Variants in TSPEAR observed in about 807,000 individuals in gnomAD.
TSPEAR encodes the protein thrombospondin-type laminin G domain and EAR repeat-containing protein.
In TSPEAR, 69 loss-of-function variants were observed where a neutral mutation model predicts 71.6. That is an observed-to-expected ratio of 0.96 (90% confidence interval 0.79 to 1.18). TSPEAR has a LOEUF of 1.18. Ranked by LOEUF, TSPEAR falls within the 50% of genes most tolerant of loss-of-function variation. The pLI is 0.00. For missense variants in TSPEAR, 971 were observed against 894.9 expected (o/e 1.09, Z -1.09); for synonymous variants, 402 against 387.2 (o/e 1.04, Z -0.45).
intron 1 of TSPEAR, among the ~76,000 whole-genome samples, chr21:44,663,991 G>T (rs1985624892): frequency 6.6e-6 from 1 of 152,062 alleles, no homozygotes; most frequent in Non-Finnish European, 1.5e-5. Flanking sequence ...AAAACCTATA[G>T]CTAATATCAT....
In TSPEAR at chr21:44,587,972, T is replaced by A. The variant is rs961790493; in HGVS notation, c.83-19967A>T. ...TCTAGATATTGGCTTAGGCAAGGAT[T>A]TCATGACCAAGAATCCAAAAGCAAA... On this transcript the variant is annotated intron_variant, in intron 1 of 11. Transcript: ENST00000323084. Among the ~76,000 whole-genome samples the A allele has an allele frequency of 3.9e-5, 6 of 152,314 alleles. No individual in the cohort carries two copies. The South Asian group carries it at 1.2e-3, about 32-fold the overall frequency.
At chr21:44,659,299 ATGATACACCCTAAGCACAAGCAC>A (rs1481041056) in intron 1 of TSPEAR, among the ~76,000 whole-genome samples, 185 of 21,696 alleles carry the variant, frequency 8.5e-3, no homozygotes, top group East Asian at 0.024. Context: ...ACAAGCACTG[ATGATACACCCTAAGCACAAGCAC>A]TGATACACCC....
intron 1 of TSPEAR, among the ~76,000 whole-genome samples, chr21:44,671,010 T>A (rs994663940): frequency 3.3e-5 from 5 of 152,236 alleles, no homozygotes; most frequent in African/African-American, 9.6e-5. Context: ...CCTGTGTCCA[T>A]GCACACTGTG....
At chr21:44,608,081 G>A (rs950993475) in intron 1 of TSPEAR, among the ~76,000 whole-genome samples, 6 of 152,148 alleles carry the variant, frequency 3.9e-5, no homozygotes, top group African/African-American at 1.4e-4. Flanking sequence ...ATCATGAAAA[G>A]TACACCTGGG....
chr21:44,633,402 T>C (rs1983365738), intron 1 of TSPEAR, among the ~76,000 whole-genome samples: 1 of 152,210 alleles, frequency 6.6e-6, no homozygotes, highest in Non-Finnish European at 1.5e-5. Context: ...TTTTGCCGTA[T>C]CCCATAAGTT....
At chr21:44,600,222 C>T (rs1331346379) in intron 1 of TSPEAR, among the ~76,000 whole-genome samples, 8 of 152,110 alleles carry the variant, frequency 5.3e-5, no homozygotes, top group African/African-American at 7.2e-5. Flanking sequence ...AGTCCCCTGG[C>T]GATGGCCCAC....
chr21:44,687,714 G>A lies in TSPEAR; in HGVS notation c.82+23719C>T. ...CTGATGGGGGTCCTCTCCCAGCCAG[G>A]AGGGAAGCCAGGACCACCCTCTCCC... On this transcript the variant is annotated intron_variant, in intron 1 of 11. Transcript: ENST00000323084. The surrounding 1 kb of genome is among the most constrained non-coding windows in gnomAD (Gnocchi z 4.4). 6.6e-6 allele frequency among the ~76,000 whole-genome samples: 1 copy of A among 152,218 alleles called. No individual in the cohort carries two copies. Among genetic ancestry groups the A allele is most frequent in the East Asian group, 1.9e-4 (1 of 5,192 alleles).
intron 1 of TSPEAR, chr21:44,573,610 A>G: frequency 3.7e-6 from 5 of 1,356,424 alleles, no homozygotes; most frequent in Non-Finnish European, 5.0e-6. Context: ...ACACCCCAAC[A>G]AGGAAGGGAG....
chr21:44,503,681 C>G (rs2052107362), intron 11 of TSPEAR, among the ~76,000 whole-genome samples: 1 of 127,490 alleles, frequency 7.8e-6, no homozygotes, highest in Non-Finnish European at 1.6e-5. Flanking sequence ...AGCGGGGAAG[C>G]AAGGCTCTGG....
intron 1 of TSPEAR, among the ~76,000 whole-genome samples, chr21:44,629,792 CT>C (rs1983149632): frequency 6.6e-6 from 1 of 152,220 alleles, no homozygotes; most frequent in African/African-American, 2.4e-5. Flanking sequence ...CAAATGGTTC[CT>C]GTTTAGGCAT....
chr21:44,534,814 A>C (rs587628578), intron 2 of TSPEAR, among the ~76,000 whole-genome samples: 1 of 152,368 alleles, frequency 6.6e-6, no homozygotes, highest in Admixed American at 6.5e-5. Context: ...CGAAAGAGAT[A>C]CTTGTACACA....
At chr21:44,562,868 G>A (rs868927664) in intron 2 of TSPEAR, among the ~76,000 whole-genome samples, 20 of 152,242 alleles carry the variant, frequency 1.3e-4, no homozygotes, top group Admixed American at 3.3e-4. Flanking sequence ...TCATACTAGC[G>A]TTCCGCAGAC....
Position 44,499,710 on chromosome 21 carries a change from CAGGGTCAGTTGGGGG to C in TSPEAR, c.*58_*72del. 1.4e-6 allele frequency: 2 copies of C among 1,453,230 alleles called. No homozygotes were observed. The highest frequency in any genetic ancestry group is 1.8e-6 in the Non-Finnish European group (2 of 1,097,590). The allele number at this position is 1,453,230 out of a possible 1,614,324, so 90.0% of individuals were successfully genotyped here. ...CCTAGGCTGGGCCCACCTGGACGTC[CAGGGTCAGTTGGGGG>C]AGGTGCTGGGGTCCCGCCCCACCTG... On this transcript the variant is annotated 3_prime_UTR_variant, in exon 12 of 12. Transcript: ENST00000323084.
chr21:44,566,808 T>A (rs1476487613), intron 2 of TSPEAR, among the ~76,000 whole-genome samples: 59 of 152,126 alleles, frequency 3.9e-4, no homozygotes, highest in Admixed American at 3.7e-3. Context: ...ACTGAATATC[T>A]ATATACAAAA....
At chr21:44,601,226 G>T (rs1714831460) in intron 1 of TSPEAR, 1 of 1,606,850 alleles carries the variant, frequency 6.2e-7, no homozygotes, top group Non-Finnish European at 8.5e-7. Flanking sequence ...GGCTGCATCA[G>T]CTCCTGCACG....
intron 1 of TSPEAR, among the ~76,000 whole-genome samples, chr21:44,704,025 T>C (rs1555951913): frequency 1.3e-5 from 2 of 152,244 alleles, no homozygotes; most frequent in African/African-American, 4.8e-5. Flanking sequence ...TAAGATCACC[T>C]GGCCTCTGTC....
Position 44,699,267 on chromosome 21 carries a change from C to A in TSPEAR, c.82+12166G>T, listed in dbSNP as rs1245294363. 4.7e-5 allele frequency among the ~76,000 whole-genome samples: 7 copies of A among 149,908 alleles called. No individual in the cohort carries two copies. The East Asian group carries it at 1.4e-3, about 30-fold the overall frequency. Reference sequence around the variant, plus strand: ...TGGTGGCACGAACCTGTAGTCCCAGCTACTCAGGAGGCTGAGGTGGGAGGA... The same window carrying A: ...TGGTGGCACGAACCTGTAGTCCCAGATACTCAGGAGGCTGAGGTGGGAGGA... On this transcript the variant is annotated intron_variant, in intron 1 of 11. Coordinates refer to ENST00000323084, the MANE Select transcript of TSPEAR (RefSeq NM_144991.3).
intron 1 of TSPEAR, among the ~76,000 whole-genome samples, chr21:44,592,958 T>C (rs1158658448): frequency 6.6e-6 from 1 of 152,132 alleles, no homozygotes; most frequent in African/African-American, 2.4e-5. Flanking sequence ...TTCATTGACC[T>C]GCCCTGGGCC....
At chr21:44,666,795 T>C (rs1487542911) in intron 1 of TSPEAR, 14 of 1,611,808 alleles carry the variant, frequency 8.7e-6, no homozygotes, top group Non-Finnish European at 1.2e-5. Context: ...GCAGGATGCC[T>C]GGCAGGAGCT....
Sources: gnomAD v4.1 joint callset for allele counts (sites outside exome capture counted in the v4.1 genomes callset) on GRCh38, gnomAD v4.1.1 for gene constraint, Gnocchi (gnomAD v3.1) non-coding constraint, MANE v1.5 for transcripts, NCBI Gene and HGNC (gene_info 2026-07-23, HGNC 2026-07-21) for gene names.